Variants in BNC2 observed in about 807,000 individuals in gnomAD.
BNC2 encodes the protein zinc finger protein basonuclin-2.
A neutral mutation model predicts 76.3 loss-of-function variants in BNC2; 20 were observed. That is an observed-to-expected ratio of 0.26 (90% confidence interval 0.18 to 0.38). The LOEUF is 0.38. Ranked by LOEUF, BNC2 falls within the 10% of genes least tolerant of loss-of-function variation. BNC2 has a pLI of 1.00. For missense variants in BNC2, 1,382 were observed against 1,399.8 expected (o/e 0.99, Z 0.20); for synonymous variants, 582 against 514.8 (o/e 1.13, Z -1.77).
chr9:16,422,211 C>T (rs1257155993), intron 6 of BNC2, among the ~76,000 whole-genome samples: 2 of 152,156 alleles, frequency 1.3e-5, no homozygotes, highest in Non-Finnish European at 2.9e-5. Flanking sequence ...GACGATGTAC[C>T]AGCCCTCAAT....
At position 16,411,491 on chromosome 9, in the gene BNC2, T is replaced by C. The variant is rs1016117410; in HGVS notation, c.*7498A>G. ...TATTTTAGAGTTAAGGGGAGAAAGC[T>C]AGTATCAGCGAGCAGAACTTGTGCA... is the stretch of plus-strand genomic sequence containing the variant. On this transcript the variant is annotated 3_prime_UTR_variant, in exon 7 of 7. Transcript: ENST00000380672. The C allele has an allele frequency of 2.6e-5, 4 of 152,656 alleles. No individual in the cohort carries two copies. The highest frequency in any genetic ancestry group is 5.9e-5 in the Non-Finnish European group (4 of 68,038). 9.5% of individuals were successfully genotyped at this position (152,656 alleles called of 1,614,324 possible).
At chr9:16,720,961 A>G (rs558336163) in intron 3 of BNC2, among the ~76,000 whole-genome samples, 1 of 152,330 alleles carries the variant, frequency 6.6e-6, no homozygotes, top group East Asian at 1.9e-4. Context: ...TTGAATGTAC[A>G]CTGTGAAATC....
At chr9:16,835,579 T>C (rs1563964053) in intron 1 of BNC2, among the ~76,000 whole-genome samples, 2 of 152,192 alleles carry the variant, frequency 1.3e-5, no homozygotes, top group East Asian at 3.9e-4. Flanking sequence ...CACATGCCTT[T>C]AGTCCCAGCT....
Position 16,464,187 on chromosome 9 carries a change from T to C in BNC2, c.670-26663A>G, listed in dbSNP as rs867641998. ...ACCCTAATAATAGCTAACAACTCTT[T>C]AAGATCCTCAAATAAATAAATAATT... On this transcript the variant is annotated intron_variant, in intron 5 of 6. Coordinates refer to ENST00000380672, the MANE Select transcript of BNC2 (RefSeq NM_017637.6). Among the ~76,000 whole-genome samples, 14 of 152,108 alleles carry C rather than the reference T, an allele frequency of 9.2e-5. 1 individual carries two copies. The Middle Eastern group carries it at 0.017, about 187-fold the overall frequency.
intron 1 of BNC2, among the ~76,000 whole-genome samples, chr9:16,792,541 C>T (rs966982870): frequency 1.4e-4 from 21 of 152,168 alleles, no homozygotes; most frequent in African/African-American, 4.8e-4. Context: ...GCACAATATG[C>T]AGAGATCTGA....
At chr9:16,497,907 A>G (rs570380636) in intron 5 of BNC2, among the ~76,000 whole-genome samples, 1 of 151,818 alleles carries the variant, frequency 6.6e-6, no homozygotes, top group African/African-American at 2.4e-5. Context: ...TTACAGCAGC[A>G]CAATTCACAA....
At chr9:16,764,213 C>T (rs1825629444) in intron 1 of BNC2, among the ~76,000 whole-genome samples, 1 of 152,148 alleles carries the variant, frequency 6.6e-6, no homozygotes, top group Admixed American at 6.5e-5. Flanking sequence ...TGTTTTAAAA[C>T]ATGTTTGCAT....
At chr9:16,482,829 G>A (rs1268511697) in intron 5 of BNC2, among the ~76,000 whole-genome samples, 3 of 152,112 alleles carry the variant, frequency 2.0e-5, no homozygotes, top group South Asian at 2.1e-4. Context: ...GAACAGCCAC[G>A]GAGTCACTGA....
intron 4 of BNC2, among the ~76,000 whole-genome samples, chr9:16,577,337 A>G (rs960863849): frequency 1.3e-5 from 2 of 150,180 alleles, no homozygotes; most frequent in South Asian, 2.1e-4. Context: ...CCATGCTGAG[A>G]AAAAAAAAAG....
At chr9:16,861,617 G>A (rs1204463505) in intron 1 of BNC2, among the ~76,000 whole-genome samples, 2 of 152,090 alleles carry the variant, frequency 1.3e-5, no homozygotes, top group Non-Finnish European at 2.9e-5. Context: ...AAACCACAGA[G>A]ATATCACTTC....
chr9:16,545,613 A>C (rs1454786512), intron 5 of BNC2, among the ~76,000 whole-genome samples: 2 of 152,162 alleles, frequency 1.3e-5, no homozygotes, highest in African/African-American at 4.8e-5. Flanking sequence ...AATTATAGCT[A>C]TTCCACCACA....
intron 3 of BNC2, among the ~76,000 whole-genome samples, chr9:16,583,592 T>C (rs10962497): frequency 1.4e-3 from 207 of 152,312 alleles, no homozygotes; most frequent in Non-Finnish European, 2.6e-3. Flanking sequence ...CTCTCAAATA[T>C]ATTTTAAAGA....
At chr9:16,791,705 C>T (rs1033592333) in intron 1 of BNC2, among the ~76,000 whole-genome samples, 3 of 152,190 alleles carry the variant, frequency 2.0e-5, no homozygotes, top group African/African-American at 7.2e-5. Flanking sequence ...CACATACTGA[C>T]ACTGTGTTTC....
intron 3 of BNC2, among the ~76,000 whole-genome samples, chr9:16,640,714 C>G (rs1347366285): frequency 1.3e-5 from 2 of 152,114 alleles, no homozygotes; most frequent in Non-Finnish European, 2.9e-5. Context: ...ATACACCCTT[C>G]AGAAATACCC....
intron 6 of BNC2, among the ~76,000 whole-genome samples, chr9:16,425,189 C>A (rs1169259184): frequency 6.6e-6 from 1 of 152,182 alleles, no homozygotes; most frequent in Admixed American, 6.5e-5. Context: ...ATCATCCATA[C>A]TAGTCACGCA....
At chr9:16,647,793 G>C (rs1265975311) in intron 3 of BNC2, among the ~76,000 whole-genome samples, 2 of 152,064 alleles carry the variant, frequency 1.3e-5, no homozygotes. Flanking sequence ...GATCCTCTTA[G>C]GCAGGTTTAA....
intron 3 of BNC2, among the ~76,000 whole-genome samples, chr9:16,661,351 A>C (rs1023335610): frequency 6.6e-6 from 1 of 152,204 alleles, no homozygotes; most frequent in Non-Finnish European, 1.5e-5. Context: ...CTCATTTATA[A>C]AACAGCATGT....
At chr9:16,546,193 C>G (rs73417470) in intron 5 of BNC2, among the ~76,000 whole-genome samples, 9,346 of 152,164 alleles carry the variant, frequency 0.061, 994 homozygotes, top group African/African-American at 0.21. Context: ...TCACAACATA[C>G]ATTTCATCTA....
intron 1 of BNC2, among the ~76,000 whole-genome samples, chr9:16,807,087 T>A (rs1333159123): frequency 6.6e-6 from 1 of 152,244 alleles, no homozygotes; most frequent in Non-Finnish European, 1.5e-5. Context: ...TATCTATGAC[T>A]AACAATTTCC....
Sources: gnomAD v4.1 joint callset for allele counts (sites outside exome capture counted in the v4.1 genomes callset) on GRCh38, gnomAD v4.1.1 for gene constraint, MANE v1.5 for transcripts, NCBI Gene and HGNC (gene_info 2026-07-23, HGNC 2026-07-21) for gene names.